Variants in ZCCHC17 observed in about 807,000 individuals in gnomAD.
ZCCHC17 encodes the protein zinc finger CCHC-type containing 17.
In ZCCHC17, 18 loss-of-function variants were observed where a neutral mutation model predicts 30.6. The ratio of observed to expected loss-of-function variants is 0.59; its 90% CI spans 0.41 to 0.87. The LOEUF (loss-of-function observed/expected upper bound fraction) is 0.87, where lower values mean the gene tolerates loss of function less well. Ranked by LOEUF, ZCCHC17 falls within the 40% of genes least tolerant of loss-of-function variation. The probability of loss-of-function intolerance (pLI) is 0.00; values close to 1 mark genes in which losing one functional copy is unlikely to be tolerated. For missense variants in ZCCHC17, 263 were observed against 284.2 expected, an observed-to-expected ratio of 0.93 and a Z score of 0.54; for synonymous variants, 88 against 92.4, an observed-to-expected ratio of 0.95 and a Z score of 0.27.
intron 1 of ZCCHC17, among the ~76,000 whole-genome samples, chr1:31,302,103 C>G (rs1486077534): frequency 6.6e-6 from 1 of 152,168 alleles, no homozygotes; most frequent in African/African-American, 2.4e-5. Flanking sequence ...TGTTGCATGC[C>G]TGTAGTCCCA....
At chr1:31,304,723 G>A (rs148839844) in intron 1 of ZCCHC17, among the ~76,000 whole-genome samples, 3,954 of 152,024 alleles carry the variant, frequency 0.026, 75 homozygotes, top group South Asian at 0.048. Flanking sequence ...AGCCTGCCGA[G>A]TAGCTGGGAT....
At chr1:31,342,622 A>G (rs1464364592) in intron 5 of ZCCHC17, among the ~76,000 whole-genome samples, 1 of 152,144 alleles carries the variant, frequency 6.6e-6, no homozygotes, top group Non-Finnish European at 1.5e-5. Flanking sequence ...TGAGAATCTA[A>G]TGCTGCTGCT....
rs371700511 is a variant in ZCCHC17, at chr1:31,326,215, G to T, written c.124+7049G>T. Among the ~76,000 whole-genome samples, 373 of 152,186 alleles carry T rather than the reference G, an allele frequency of 2.5e-3. 3 individuals carry two copies. The highest frequency in any genetic ancestry group is 3.7e-3 in the Non-Finnish European group (251 of 67,992). On this transcript the variant is annotated intron_variant, in intron 3 of 7. Transcript: ENST00000344147. The stretch of plus-strand genomic sequence containing the variant: ...GATTAACAATGGTCACTTCTGGGGA[G>T]TTGGTTTTGCTAAGGAAGGGATGTA...
chr1:31,354,438 G>A (rs1334755145), intron 7 of ZCCHC17, among the ~76,000 whole-genome samples: 2 of 151,776 alleles, frequency 1.3e-5, no homozygotes, highest in African/African-American at 4.8e-5. Context: ...GAGTCTTGCT[G>A]TATCACCCAG....
intron 2 of ZCCHC17, among the ~76,000 whole-genome samples, chr1:31,317,943 C>G (rs542218250): frequency 6.6e-6 from 1 of 152,310 alleles, no homozygotes; most frequent in South Asian, 2.1e-4. Flanking sequence ...GGATTCAAAT[C>G]TCAGCTCTGC....
At chr1:31,321,419 G>C (rs1238729371) in intron 3 of ZCCHC17, among the ~76,000 whole-genome samples, 1 of 152,084 alleles carries the variant, frequency 6.6e-6, no homozygotes, top group Non-Finnish European at 1.5e-5. Context: ...CTCTTTCCTT[G>C]GTAAATTACC....
chr1:31,325,086 T>C (rs572507367), intron 3 of ZCCHC17, among the ~76,000 whole-genome samples: 4 of 152,272 alleles, frequency 2.6e-5, no homozygotes, highest in Admixed American at 6.5e-5. Flanking sequence ...TTACCCACAC[T>C]GGGTCTCCTC....
At chr1:31,342,284 A>T (rs1639076764) in intron 5 of ZCCHC17, among the ~76,000 whole-genome samples, 1 of 151,966 alleles carries the variant, frequency 6.6e-6, no homozygotes. Flanking sequence ...ACCTCAAGTG[A>T]TCCCCCGCCT....
At chr1:31,341,845 A>C (rs910368857) in intron 5 of ZCCHC17, among the ~76,000 whole-genome samples, 1 of 152,246 alleles carries the variant, frequency 6.6e-6, no homozygotes, top group Non-Finnish European at 1.5e-5. Context: ...TGGTAGACAT[A>C]CATGTAGCTA....
chr1:31,307,159 G>T (rs1252252237), intron 1 of ZCCHC17, among the ~76,000 whole-genome samples: 1 of 149,764 alleles, frequency 6.7e-6, no homozygotes, highest in Non-Finnish European at 1.5e-5. Flanking sequence ...TTTAAGTAGA[G>T]ATAGAGTCTC....
At chr1:31,318,264 C>G in intron 2 of ZCCHC17, 1 of 1,492,406 alleles carries the variant, frequency 6.7e-7, no homozygotes, top group Non-Finnish European at 9.0e-7. Flanking sequence ...GAATATTTTA[C>G]AAATAATCAT....
At chr1:31,309,523 C>T (rs898781092) in intron 1 of ZCCHC17, among the ~76,000 whole-genome samples, 1 of 152,056 alleles carries the variant, frequency 6.6e-6, no homozygotes, top group Admixed American at 6.5e-5. Context: ...CTATGTTGGC[C>T]AGGCTGGTCT....
chr1:31,300,234 A>C (rs1167809260), intron 1 of ZCCHC17, among the ~76,000 whole-genome samples: 5 of 151,746 alleles, frequency 3.3e-5, no homozygotes, highest in African/African-American at 9.7e-5. Flanking sequence ...TAATTGTTGT[A>C]TTTTTTATAG....
chr1:31,300,158 C>A (rs1234336539), intron 1 of ZCCHC17, among the ~76,000 whole-genome samples: 2 of 152,166 alleles, frequency 1.3e-5, no homozygotes, highest in Non-Finnish European at 2.9e-5. Context: ...CTCCCAGGCT[C>A]CAGTGATCCT....
At chr1:31,341,403 AT>A (rs574625898) in intron 5 of ZCCHC17, among the ~76,000 whole-genome samples, 116 of 152,348 alleles carry the variant, frequency 7.6e-4, no homozygotes, top group Admixed American at 2.2e-3. Flanking sequence ...TCATTAAAAA[AT>A]AGTGAAATTT....
chr1:31,354,575 T>TAG (rs1639576981), intron 7 of ZCCHC17, among the ~76,000 whole-genome samples: 1 of 152,180 alleles, frequency 6.6e-6, no homozygotes, highest in Admixed American at 6.5e-5. Context: ...TTTAACCTTT[T>TAG]AGAGGTAAAT....
At chr1:31,340,700 T>C (rs1188199001) in intron 5 of ZCCHC17, among the ~76,000 whole-genome samples, 1 of 152,224 alleles carries the variant, frequency 6.6e-6, no homozygotes, top group Non-Finnish European at 1.5e-5. Context: ...CATGCTGTTA[T>C]TTTGTTGCTT....
intron 3 of ZCCHC17, among the ~76,000 whole-genome samples, chr1:31,327,245 C>T (rs1467969525): frequency 6.6e-6 from 1 of 152,148 alleles, no homozygotes; most frequent in Non-Finnish European, 1.5e-5. Context: ...TGTTAGATCT[C>T]ACAAATTTAA....
At chr1:31,343,846 ATTTTTT>A (rs71569979) in intron 5 of ZCCHC17, among the ~76,000 whole-genome samples, 8 of 80,774 alleles carry the variant, frequency 9.9e-5, no homozygotes, top group African/African-American at 4.5e-4. Context: ...TGCCCCACTA[ATTTTTT>A]TTTTTTTTTT....
Sources: gnomAD v4.1 joint callset for allele counts (sites outside exome capture counted in the v4.1 genomes callset) on GRCh38, gnomAD v4.1.1 for gene constraint, MANE v1.5 for transcripts, NCBI Gene and HGNC (gene_info 2026-07-23, HGNC 2026-07-21) for gene names.